The following NR5A2 variants were observed in gnomAD, a reference collection of about 807,000 sequenced individuals.
The protein encoded by NR5A2 is nuclear receptor subfamily 5 group A member 2.
In NR5A2, 26 loss-of-function variants were observed where a neutral mutation model predicts 62.7. The ratio of observed to expected loss-of-function variants is 0.41; its 90% CI spans 0.30 to 0.58. The LOEUF is 0.58. Among genes scored for constraint, NR5A2 ranks in the 20% least tolerant of loss-of-function variants. The probability of loss-of-function intolerance (pLI) is 0.22; values close to 1 mark genes in which losing one functional copy is unlikely to be tolerated. For missense variants in NR5A2, 541 were observed against 669.1 expected, an observed-to-expected ratio of 0.81 and a Z score of 2.11; for synonymous variants, 246 against 241.7, an observed-to-expected ratio of 1.02 and a Z score of -0.16.
At chr1:200,129,074 T>G (rs920194015) in intron 7 of NR5A2, among the ~76,000 whole-genome samples, 3 of 152,178 alleles carry the variant, frequency 2.0e-5, no homozygotes, top group Non-Finnish European at 4.4e-5. Flanking sequence ...TGGCAGAGGT[T>G]TGCTGTCAAA....
At chr1:200,081,974 G>A (rs552870006) in intron 5 of NR5A2, among the ~76,000 whole-genome samples, 34 of 151,962 alleles carry the variant, frequency 2.2e-4, no homozygotes, top group Non-Finnish European at 4.4e-4. Flanking sequence ...GCTAACAGGG[G>A]GTCACCGCAG....
intron 5 of NR5A2, among the ~76,000 whole-genome samples, chr1:200,095,781 T>A (rs905494261): frequency 6.6e-6 from 1 of 152,046 alleles, no homozygotes; most frequent in African/African-American, 2.4e-5. Flanking sequence ...GTCGATCTCC[T>A]GACCTTGTGA....
At chr1:200,133,821 G>T (rs1003440106) in intron 7 of NR5A2, among the ~76,000 whole-genome samples, 4 of 148,412 alleles carry the variant, frequency 2.7e-5, no homozygotes, top group Admixed American at 6.7e-5. Flanking sequence ...CCCTCTGGGG[G>T]TATCCAGAAG....
At chr1:200,082,165 C>T (rs1483001386) in intron 5 of NR5A2, among the ~76,000 whole-genome samples, 2 of 152,186 alleles carry the variant, frequency 1.3e-5, no homozygotes, top group Non-Finnish European at 2.9e-5. Flanking sequence ...TGACAGGCAA[C>T]TGCTTCCCAA....
At chr1:200,047,087 C>A (rs1429692855) in intron 4 of NR5A2, among the ~76,000 whole-genome samples, 2 of 152,184 alleles carry the variant, frequency 1.3e-5, no homozygotes, top group East Asian at 1.9e-4. Context: ...TAACCTCCAG[C>A]AAGTTCAATA....
At chr1:200,171,166 G>A (rs1353370578) in intron 7 of NR5A2, among the ~76,000 whole-genome samples, 1 of 152,160 alleles carries the variant, frequency 6.6e-6, no homozygotes, top group Non-Finnish European at 1.5e-5. Flanking sequence ...ACTTCTTCAG[G>A]ATCATTGCCA....
intron 7 of NR5A2, among the ~76,000 whole-genome samples, chr1:200,145,772 T>C (rs575989991): frequency 6.6e-6 from 1 of 152,186 alleles, no homozygotes; most frequent in African/African-American, 2.4e-5. Flanking sequence ...TACAGGTGCA[T>C]GCCACCACAC....
chr1:200,108,400 C>T (rs1258178921), intron 5 of NR5A2, among the ~76,000 whole-genome samples: 6 of 152,112 alleles, frequency 3.9e-5, no homozygotes, highest in Non-Finnish European at 8.8e-5. Flanking sequence ...TTAATTTTCA[C>T]CCACCTTTTC....
At chr1:200,109,606 A>G (rs1306659221) in intron 5 of NR5A2, among the ~76,000 whole-genome samples, 1 of 152,258 alleles carries the variant, frequency 6.6e-6, no homozygotes, top group Admixed American at 6.5e-5. Context: ...AGTTAGCCAG[A>G]AACTCTTATC....
In NR5A2 at chr1:200,099,899, G is replaced by A. The variant is rs558148805; in HGVS notation, c.1111-11303G>A. ...GAGCCACCGCGCCTGGCCACACCTG[G>A]AATTCTTTTTTGGCTGATGGCATTG... is the stretch of plus-strand genomic sequence containing the variant. On this transcript the variant is annotated intron_variant, in intron 5 of 7. Transcript: ENST00000367362. 6.6e-5 allele frequency among the ~76,000 whole-genome samples: 10 copies of A among 152,268 alleles called. No homozygotes were observed. In the South Asian group the frequency reaches 1.0e-3, roughly 16 times the overall value.
chr1:200,038,576 T>G (rs1661891822), intron 1 of NR5A2: 2 of 557,088 alleles, frequency 3.6e-6, no homozygotes, highest in African/African-American at 3.9e-5. Flanking sequence ...GTAAGAACGG[T>G]CAGCTAAATT....
chr1:200,038,716 G>A, intron 1 of NR5A2: 1 of 1,365,906 alleles, frequency 7.3e-7, no homozygotes. Flanking sequence ...GGAAATTGCC[G>A]CTCTGGCTGC....
rs149536740 is a variant in NR5A2 at position 200,043,845 on chromosome 1, A to C, written c.274A>C (p.Lys92Gln). The C allele has an allele frequency of 3.7e-6, 6 of 1,613,814 alleles. No individual in the cohort carries two copies. The African/African-American group carries it at 8.0e-5, about 22-fold the overall frequency. ...AGAGCTTTGTCCCGTGTGTGGAGAT[A>C]AAGTGTCTGGGTACCATTATGGGCT... is the stretch of plus-strand genomic sequence containing the variant. Reference protein sequence around the residue: ...LEELCPVCGDKVSGYHYGLLT... With the variant: ...LEELCPVCGDQVSGYHYGLLT... Residue 92 changes from lysine (K) to glutamine (Q), a missense_variant, in exon 3 of 8, where the codon AAA (lysine) becomes CAA (glutamine). Around this residue, in one of 3 missense-constraint regions of NR5A2, gnomAD observed 54 missense variants for 123.8 expected, o/e 0.44. Coordinates refer to ENST00000367362, the MANE Select transcript of NR5A2 (RefSeq NM_205860.3).
At chr1:200,133,125 GACTT>G (rs1213714041) in intron 7 of NR5A2, among the ~76,000 whole-genome samples, 3 of 152,158 alleles carry the variant, frequency 2.0e-5, no homozygotes, top group East Asian at 1.9e-4. Flanking sequence ...TTCAAAATTA[GACTT>G]ACTATTTCTT....
intron 7 of NR5A2, among the ~76,000 whole-genome samples, chr1:200,129,267 C>T (rs1336978340): frequency 3.9e-5 from 3 of 77,732 alleles, no homozygotes; most frequent in Non-Finnish European, 9.5e-5. Flanking sequence ...CATACATACA[C>T]ACACACACTT....
intron 6 of NR5A2, among the ~76,000 whole-genome samples, chr1:200,115,822 C>T (rs1324505026): frequency 2.0e-5 from 3 of 151,918 alleles, no homozygotes; most frequent in African/African-American, 4.8e-5. Flanking sequence ...TAAGGAAGTG[C>T]CTTACCCCTA....
At chr1:200,067,299 G>A (rs1176480277) in intron 5 of NR5A2, among the ~76,000 whole-genome samples, 1 of 152,264 alleles carries the variant, frequency 6.6e-6, no homozygotes, top group East Asian at 1.9e-4. Context: ...GCTCACGCCT[G>A]TAATCCCAGC....
rs746081498 is a variant in NR5A2 at position 200,174,400 on chromosome 1, A to G, written c.*190A>G. ...CTTAATAGCAAATAAATGATGTATCAGGGTATTTGTATTGCAAACTGTGAA... is the reference window on the plus strand; with the variant it reads ...CTTAATAGCAAATAAATGATGTATCGGGGTATTTGTATTGCAAACTGTGAA... On this transcript the variant is annotated 3_prime_UTR_variant, in exon 8 of 8. Transcript: ENST00000367362. 15 of 510,070 alleles carry G rather than the reference A, an allele frequency of 2.9e-5. No homozygotes were observed. Among genetic ancestry groups the G allele is most frequent in the Non-Finnish European group, 1.9e-5 (6 of 321,520 alleles). 31.6% of individuals were successfully genotyped at this position (510,070 alleles called of 1,614,324 possible).
At chr1:200,165,064 A>T (rs1653834215) in intron 7 of NR5A2, among the ~76,000 whole-genome samples, 1 of 151,060 alleles carries the variant, frequency 6.6e-6, no homozygotes, top group Admixed American at 6.6e-5. Context: ...TTTAGTAGAG[A>T]CAGGGTTTCA....
Sources: allele counts gnomAD v4.1 joint callset (sites outside exome capture counted in the v4.1 genomes callset), GRCh38; gene constraint gnomAD v4.1.1; regional missense constraint gnomAD v4.1.1; transcripts MANE v1.5; gene names NCBI Gene and HGNC (gene_info 2026-07-23, HGNC 2026-07-21).